Variants in UNC5D observed in about 807,000 individuals in gnomAD.
UNC5D encodes netrin receptor UNC5D.
UNC5D carries 39 observed loss-of-function variants against 105.4 expected under a neutral mutation model. The observed-to-expected ratio is 0.37, with a 90% confidence interval of 0.29 to 0.48. The LOEUF is 0.48. Among genes scored for constraint, UNC5D ranks in the 20% least tolerant of loss-of-function variants. UNC5D has a pLI of 0.98. For missense variants in UNC5D, 991 were observed against 1,202.4 expected, an observed-to-expected ratio of 0.82 and a Z score of 2.60; for synonymous variants, 452 against 450.4, an observed-to-expected ratio of 1.00 and a Z score of -0.04.
chr8:35,632,671 G>A (rs999117289), intron 4 of UNC5D, among the ~76,000 whole-genome samples: 2 of 152,144 alleles, frequency 1.3e-5, no homozygotes, highest in Non-Finnish European at 2.9e-5. Flanking sequence ...GTTCACTGCA[G>A]AACAGTGCAC....
intron 11 of UNC5D, among the ~76,000 whole-genome samples, chr8:35,734,598 T>C (rs920139339): frequency 1.3e-5 from 2 of 151,550 alleles, no homozygotes; most frequent in African/African-American, 2.4e-5. Context: ...TTAGTAGAGA[T>C]GGGGTTTCTC....
At chr8:35,660,100 A>G (rs138179848) in intron 4 of UNC5D, among the ~76,000 whole-genome samples, 1 of 152,298 alleles carries the variant, frequency 6.6e-6, no homozygotes, top group East Asian at 1.9e-4. Context: ...TTTTATCCCA[A>G]ATAAAATGCA....
At chr8:35,523,872 G>A (rs1456585248) in intron 1 of UNC5D, among the ~76,000 whole-genome samples, 1 of 51,940 alleles carries the variant, frequency 1.9e-5, no homozygotes, top group African/African-American at 7.7e-5. Context: ...CTGAAGGCAC[G>A]GGGCAATGGG....
chr8:35,466,950 T>C (rs1460822322), intron 1 of UNC5D, among the ~76,000 whole-genome samples: 2 of 152,174 alleles, frequency 1.3e-5, no homozygotes, highest in Non-Finnish European at 1.5e-5. Context: ...AATGGGAAAA[T>C]TGTACCACTT....
chr8:35,673,790 T>C (rs1825001288), intron 4 of UNC5D, among the ~76,000 whole-genome samples: 1 of 152,184 alleles, frequency 6.6e-6, no homozygotes, highest in South Asian at 2.1e-4. Flanking sequence ...GTCCCTTTTC[T>C]CAGAAAAGCA....
At chr8:35,512,391 ATATAGTC>A (rs915384945) in intron 1 of UNC5D, among the ~76,000 whole-genome samples, 7 of 144,626 alleles carry the variant, frequency 4.8e-5, no homozygotes, top group Non-Finnish European at 9.0e-5. Flanking sequence ...GCACGTGCTT[ATATAGTC>A]TTAGCTACTC....
At chr8:35,782,456 C>A (rs1168475584) in intron 16 of UNC5D, among the ~76,000 whole-genome samples, 1 of 151,852 alleles carries the variant, frequency 6.6e-6, no homozygotes, top group Non-Finnish European at 1.5e-5. Flanking sequence ...TTATTATAGG[C>A]AGCTTAACTT....
intron 1 of UNC5D, among the ~76,000 whole-genome samples, chr8:35,264,119 C>A (rs1804670375): frequency 6.6e-6 from 1 of 152,160 alleles, no homozygotes; most frequent in African/African-American, 2.4e-5. Context: ...GATAAAGTAG[C>A]ATTTTGGAGA....
At chr8:35,370,850 C>T (rs564462905) in intron 1 of UNC5D, among the ~76,000 whole-genome samples, 1 of 152,204 alleles carries the variant, frequency 6.6e-6, no homozygotes, top group South Asian at 2.1e-4. Context: ...TCTGAAGACA[C>T]CCATGGATAA....
intron 1 of UNC5D, among the ~76,000 whole-genome samples, chr8:35,446,722 T>A (rs1807820288): frequency 6.6e-6 from 1 of 152,090 alleles, no homozygotes; most frequent in South Asian, 2.1e-4. Context: ...TAATTGCCCT[T>A]GGGTCTGTAG....
At chr8:35,537,519 A>T (rs1438321472) in intron 1 of UNC5D, among the ~76,000 whole-genome samples, 1 of 152,130 alleles carries the variant, frequency 6.6e-6, no homozygotes, top group African/African-American at 2.4e-5. Context: ...GTCTCCATAA[A>T]AAGTGAAAAT....
chr8:35,354,642 C>CT (rs1360010506), intron 1 of UNC5D, among the ~76,000 whole-genome samples: 1 of 152,064 alleles, frequency 6.6e-6, no homozygotes, highest in Non-Finnish European at 1.5e-5. Flanking sequence ...ACTTAAAACT[C>CT]TAAAAAAGTG....
chr8:35,347,684 A>G (rs1382155523), intron 1 of UNC5D, among the ~76,000 whole-genome samples: 1 of 152,014 alleles, frequency 6.6e-6, no homozygotes. Flanking sequence ...TCTGTGAACC[A>G]TAATCTAATC....
intron 1 of UNC5D, among the ~76,000 whole-genome samples, chr8:35,289,146 A>G (rs890827027): frequency 1.1e-4 from 16 of 152,222 alleles, no homozygotes; most frequent in Non-Finnish European, 2.2e-4. Flanking sequence ...CATGAACTGA[A>G]AGAGAAGGGA....
chr8:35,718,435 A>C (rs1243291635), intron 8 of UNC5D, among the ~76,000 whole-genome samples: 1 of 152,180 alleles, frequency 6.6e-6, no homozygotes, highest in African/African-American at 2.4e-5. Context: ...TCCTGGCAGC[A>C]GGGGTTCTAA....
chr8:35,635,696 G>A (rs892738831), intron 4 of UNC5D, among the ~76,000 whole-genome samples: 2 of 152,060 alleles, frequency 1.3e-5, no homozygotes, highest in East Asian at 3.9e-4. Flanking sequence ...TTTATACCCT[G>A]CCGGCTTTCA....
chr8:35,585,844 G>C (rs1009984187), intron 3 of UNC5D, among the ~76,000 whole-genome samples: 1 of 151,758 alleles, frequency 6.6e-6, no homozygotes, highest in Non-Finnish European at 1.5e-5. Context: ...GAATCTACAC[G>C]TGGCATTGTC....
At chr8:35,699,952 A>G (rs565945951) in intron 7 of UNC5D, among the ~76,000 whole-genome samples, 1 of 152,330 alleles carries the variant, frequency 6.6e-6, no homozygotes, top group Admixed American at 6.5e-5. Context: ...TGTATACAAG[A>G]GTTGGAGCTT....
At chr8:35,761,452 C>A (rs1255034159) in intron 14 of UNC5D, among the ~76,000 whole-genome samples, 1 of 152,144 alleles carries the variant, frequency 6.6e-6, no homozygotes, top group East Asian at 1.9e-4. Flanking sequence ...GTTTACTGAC[C>A]TCAGAGGGTA....
Sources: allele counts gnomAD v4.1 joint callset (sites outside exome capture counted in the v4.1 genomes callset), GRCh38; gene constraint gnomAD v4.1.1; transcripts MANE v1.5; gene names NCBI Gene and HGNC (gene_info 2026-07-23, HGNC 2026-07-21).